OLFM3: variants seen among roughly 807,000 people sequenced by gnomAD.
OLFM3 encodes olfactomedin 3, also known as noelin-3.
OLFM3 carries 20 observed loss-of-function variants against 48.6 expected under a neutral mutation model. That is an observed-to-expected ratio of 0.41 (90% CI 0.29 to 0.60). The LOEUF (loss-of-function observed/expected upper bound fraction) is 0.60. Ranked by LOEUF, OLFM3 falls within the 20% of genes least tolerant of loss-of-function variation. OLFM3 has a pLI of 0.28. For synonymous variants in OLFM3, 222 were observed against 198.1 expected, an observed-to-expected ratio of 1.12 and a Z score of -1.01; for missense variants, 437 against 544.3, an observed-to-expected ratio of 0.80 and a Z score of 1.96.
chr1:101,824,682 CAAA>C (rs1553170417), intron 4 of OLFM3, among the ~76,000 whole-genome samples: 11 of 135,962 alleles, frequency 8.1e-5, no homozygotes, highest in East Asian at 2.1e-4. Flanking sequence ...ACAACAACAA[CAAA>C]AAACAGTTTC....
At chr1:101,806,435 G>A (rs374685634) in intron 4 of OLFM3, among the ~76,000 whole-genome samples, 44 of 151,696 alleles carry the variant, frequency 2.9e-4, no homozygotes, top group African/African-American at 8.5e-4. Flanking sequence ...TGTACAATCC[G>A]GAAAGAAATA....
intron 1 of OLFM3, among the ~76,000 whole-genome samples, chr1:101,842,546 A>AAAT (rs1320827146): frequency 3.9e-5 from 6 of 152,046 alleles, no homozygotes; most frequent in Non-Finnish European, 7.4e-5. Flanking sequence ...GACTGTCTGA[A>AAAT]AATAATAATA....
intron 1 of OLFM3, among the ~76,000 whole-genome samples, chr1:101,920,929 T>C (rs1041106052): frequency 1.3e-5 from 2 of 152,182 alleles, no homozygotes; most frequent in African/African-American, 2.4e-5. Flanking sequence ...TTCTCAAAAG[T>C]TTTTTCTTTG....
intron 1 of OLFM3, among the ~76,000 whole-genome samples, chr1:101,879,576 T>C (rs1657438170): frequency 1.3e-5 from 2 of 151,854 alleles, no homozygotes; most frequent in Admixed American, 6.6e-5. Flanking sequence ...AAAAATCATG[T>C]ATTCCTATCT....
At chr1:101,981,589 C>T (rs1661107787) in intron 1 of OLFM3, among the ~76,000 whole-genome samples, 2 of 152,174 alleles carry the variant, frequency 1.3e-5, no homozygotes, top group Admixed American at 6.5e-5. Context: ...CAGACATCTC[C>T]CCTGAACTTC....
chr1:101,874,336 T>A (rs1657209280), intron 1 of OLFM3, among the ~76,000 whole-genome samples: 1 of 151,834 alleles, frequency 6.6e-6, no homozygotes, highest in African/African-American at 2.4e-5. Context: ...ATCACTAAAA[T>A]GCTAATTTAC....
At chr1:101,965,229 A>T (rs1313456294) in intron 1 of OLFM3, among the ~76,000 whole-genome samples, 1 of 152,246 alleles carries the variant, frequency 6.6e-6, no homozygotes, top group Non-Finnish European at 1.5e-5. Flanking sequence ...ATAAATGCAC[A>T]ATAGTATATA....
chr1:101,932,086 T>C (rs1414197758), intron 1 of OLFM3, among the ~76,000 whole-genome samples: 2 of 151,932 alleles, frequency 1.3e-5, no homozygotes, highest in Non-Finnish European at 2.9e-5. Context: ...TAGAGTGTGA[T>C]TTTTTCCCCC....
At chr1:101,822,502 G>T (rs140173386) in intron 4 of OLFM3, among the ~76,000 whole-genome samples, 1 of 151,918 alleles carries the variant, frequency 6.6e-6, no homozygotes, top group Non-Finnish European at 1.5e-5. Context: ...GGTCTGGAAC[G>T]GTTGGTTTCT....
chr1:101,956,170 C>T (rs1660293384), intron 1 of OLFM3, among the ~76,000 whole-genome samples: 1 of 149,038 alleles, frequency 6.7e-6, no homozygotes, highest in Admixed American at 6.7e-5. Context: ...TTTTCTATAC[C>T]AGTCTAAACT....
intron 1 of OLFM3, among the ~76,000 whole-genome samples, chr1:101,864,289 G>T (rs1420577953): frequency 1.3e-5 from 2 of 151,884 alleles, no homozygotes; most frequent in African/African-American, 4.8e-5. Flanking sequence ...CAGTTACGTA[G>T]TCCTTTACAC....
intron 1 of OLFM3, among the ~76,000 whole-genome samples, chr1:101,991,387 A>G: frequency 6.6e-6 from 1 of 152,238 alleles, no homozygotes. Context: ...ATTAATACTT[A>G]AGTAAATCAG....
chr1:101,993,840 A>G (rs149508198), intron 1 of OLFM3, among the ~76,000 whole-genome samples: 327 of 152,032 alleles, frequency 2.2e-3, no homozygotes, highest in Middle Eastern at 6.8e-3. Context: ...AATCTTGGCC[A>G]TTTTTAAAAA....
intron 1 of OLFM3, among the ~76,000 whole-genome samples, chr1:101,958,835 TTATATATATA>T (rs10571792): frequency 6.8e-6 from 1 of 146,422 alleles, no homozygotes; most frequent in South Asian, 2.1e-4. Context: ...CAAAGTGATA[TTATATATATA>T]TATATATATA....
chr1:101,822,075 G>C (rs1347897843), intron 4 of OLFM3, among the ~76,000 whole-genome samples: 1 of 152,082 alleles, frequency 6.6e-6, no homozygotes, highest in African/African-American at 2.4e-5. Flanking sequence ...AAGGATGAAT[G>C]CGTGCCTACT....
At chr1:101,932,856 C>G (rs1659485296) in intron 1 of OLFM3, among the ~76,000 whole-genome samples, 1 of 151,928 alleles carries the variant, frequency 6.6e-6, no homozygotes, top group African/African-American at 2.4e-5. Flanking sequence ...CAAAGATCAT[C>G]AACATTCAAG....
intron 1 of OLFM3, among the ~76,000 whole-genome samples, chr1:101,914,032 C>T (rs1356417003): frequency 1.3e-5 from 2 of 152,244 alleles, no homozygotes; most frequent in East Asian, 1.9e-4. Flanking sequence ...TAAATATTTA[C>T]AAGGAGACTT....
rs192540496 is a variant in OLFM3 at position 101,897,617 on chromosome 1, G to A, written c.70-60592C>T. ...GTTTGCAACCACAAGAATTCATGTG[G>A]GTAATGAACCATACATTATGAAACA... On this transcript the variant is annotated intron_variant, in intron 1 of 5. Coordinates refer to ENST00000370103, the MANE Select transcript of OLFM3 (RefSeq NM_058170.4). Among the ~76,000 whole-genome samples, 4 of 151,858 alleles carry A rather than the reference G, an allele frequency of 2.6e-5. No homozygotes were observed. The East Asian group carries it at 7.7e-4, about 29-fold the overall frequency.
chr1:101,988,133 T>TA (rs1661303273), intron 1 of OLFM3, among the ~76,000 whole-genome samples: 1 of 152,008 alleles, frequency 6.6e-6, no homozygotes, highest in Non-Finnish European at 1.5e-5. Context: ...TTTAGATACT[T>TA]AAAAAAAGGT....
Sources: gnomAD v4.1 joint callset for allele counts (sites outside exome capture counted in the v4.1 genomes callset) on GRCh38, gnomAD v4.1.1 for gene constraint, MANE v1.5 for transcripts, NCBI Gene and HGNC (gene_info 2026-07-23, HGNC 2026-07-21) for gene names.